RPS6KA2: variants seen among roughly 807,000 people sequenced by gnomAD.
RPS6KA2 encodes ribosomal protein S6 kinase A2.
In RPS6KA2, 42 loss-of-function variants were observed where a neutral mutation model predicts 91.8. The observed-to-expected ratio is 0.46, with a 90% CI of 0.36 to 0.59. The LOEUF is 0.59. Among genes scored for constraint, RPS6KA2 ranks in the 20% least tolerant of loss-of-function variants. The pLI is 0.00. For synonymous variants in RPS6KA2, 414 were observed against 393.6 expected (o/e 1.05, Z -0.61); for missense variants, 798 against 978.5 (o/e 0.82, Z 2.46).
intron 1 of RPS6KA2, among the ~76,000 whole-genome samples, chr6:166,560,145 T>A (rs1389534866): frequency 6.6e-6 from 1 of 152,176 alleles, no homozygotes; most frequent in Non-Finnish European, 1.5e-5. Flanking sequence ...AGACCACACC[T>A]ACTGCTCATA....
chr6:166,440,917 G>A (rs571771736), intron 14 of RPS6KA2, among the ~76,000 whole-genome samples: 15 of 152,362 alleles, frequency 9.8e-5, no homozygotes, highest in Admixed American at 9.8e-4. Context: ...CAGAAAGGCA[G>A]CTTCCCAGTG....
At chr6:166,744,612 G>A (rs971592967) in intron 2 of RPS6KA2, among the ~76,000 whole-genome samples, 2 of 152,198 alleles carry the variant, frequency 1.3e-5, no homozygotes, top group African/African-American at 4.8e-5. Context: ...CCCACCCTGT[G>A]GGCCAGGCCC....
chr6:166,466,214 G>A (rs1780514945), intron 11 of RPS6KA2, among the ~76,000 whole-genome samples: 1 of 152,216 alleles, frequency 6.6e-6, no homozygotes. Context: ...GCCACAGGGA[G>A]ACCAGAGCAC....
chr6:166,531,176 G>T (rs946975757), intron 3 of RPS6KA2, 56 bp downstream of exon 3: 3 of 1,098,354 alleles, frequency 2.7e-6, no homozygotes, highest in African/African-American at 3.1e-5. Flanking sequence ...TCAAATAACG[G>T]AGTAGAAATT....
chr6:166,636,782 A>T (rs1787254471), intron 2 of RPS6KA2, among the ~76,000 whole-genome samples: 1 of 152,180 alleles, frequency 6.6e-6, no homozygotes, highest in African/African-American at 2.4e-5. Context: ...AAGTGGATGA[A>T]CTCCAGGGTT....
chr6:166,435,881 G>A lies in RPS6KA2; in HGVS notation c.1333-3391C>T, dbSNP rs767739493. ...TGCTCCTGGGGAGGCCACGTGCTGC[G>A]TGGTTGGCGGCCCAGCCGCTGAGCC... On this transcript the variant is annotated intron_variant, in intron 14 of 20. Coordinates refer to ENST00000265678, the MANE Select transcript of RPS6KA2 (RefSeq NM_021135.6). This position sits in a 1 kb window ranked among gnomAD's most constrained non-coding sequence, Gnocchi z 4.3. Among the ~76,000 whole-genome samples, 9 of 152,228 alleles carry A rather than the reference G, an allele frequency of 5.9e-5. No individual in the cohort carries two copies. Among genetic ancestry groups the A allele is most frequent in the Admixed American group, 2.0e-4 (3 of 15,284 alleles).
chr6:166,573,434 C>T (rs530971065), intron 1 of RPS6KA2, among the ~76,000 whole-genome samples: 7 of 152,334 alleles, frequency 4.6e-5, no homozygotes, highest in East Asian at 1.9e-4. Flanking sequence ...GAAGACCCAG[C>T]GCACGTGTTC....
chr6:166,596,475 T>C (rs770478063), intron 1 of RPS6KA2, among the ~76,000 whole-genome samples: 2 of 152,118 alleles, frequency 1.3e-5, no homozygotes, highest in Non-Finnish European at 2.9e-5. Context: ...TCTTCTGGTC[T>C]TCATCTTTCT....
chr6:166,671,649 C>T (rs1430085176), intron 2 of RPS6KA2, among the ~76,000 whole-genome samples: 6 of 152,264 alleles, frequency 3.9e-5, no homozygotes, highest in Middle Eastern at 6.8e-3. Context: ...GGTAATTTGT[C>T]AACATCCACT....
At chr6:166,790,759 A>C (rs1160532549) in intron 2 of RPS6KA2, among the ~76,000 whole-genome samples, 2 of 152,224 alleles carry the variant, frequency 1.3e-5, no homozygotes, top group African/African-American at 4.8e-5. Flanking sequence ...TGTCCAGCCA[A>C]ACTAAGCTTC....
intron 2 of RPS6KA2, among the ~76,000 whole-genome samples, chr6:166,738,543 C>T (rs920243765): frequency 6.6e-6 from 1 of 152,184 alleles, no homozygotes; most frequent in African/African-American, 2.4e-5. Flanking sequence ...TTGCACAGTA[C>T]CTTGGAGGCA....
At chr6:166,498,180 A>G (rs1239302209) in intron 8 of RPS6KA2, among the ~76,000 whole-genome samples, 1 of 152,244 alleles carries the variant, frequency 6.6e-6, no homozygotes, top group Non-Finnish European at 1.5e-5. Flanking sequence ...TCTGTGTCTA[A>G]ATAAGAAAAA....
At chr6:166,775,406 G>A (rs896836487) in intron 2 of RPS6KA2, among the ~76,000 whole-genome samples, 1 of 152,110 alleles carries the variant, frequency 6.6e-6, no homozygotes, top group East Asian at 1.9e-4. Flanking sequence ...AGAACACTCC[G>A]AGGCGCGTGC....
At chr6:166,552,025 G>A (rs747217415) in intron 1 of RPS6KA2, among the ~76,000 whole-genome samples, 3 of 152,138 alleles carry the variant, frequency 2.0e-5, no homozygotes, top group East Asian at 1.9e-4. Flanking sequence ...ATTGTCATTC[G>A]CAAGCAGCAC....
At chr6:166,518,553 A>G (rs1782740570) in intron 3 of RPS6KA2, among the ~76,000 whole-genome samples, 1 of 152,210 alleles carries the variant, frequency 6.6e-6, no homozygotes, top group Admixed American at 6.5e-5. Flanking sequence ...ATGACAGTGA[A>G]TGCAACATAT....
chr6:166,443,985 G>A (rs534518987), intron 14 of RPS6KA2, among the ~76,000 whole-genome samples: 16 of 151,922 alleles, frequency 1.1e-4, no homozygotes, highest in African/African-American at 2.7e-4. Context: ...ATTCAACCCC[G>A]TGTTGTTCAA....
At position 166,411,464 on chromosome 6, in the gene RPS6KA2, T is replaced by G. The variant is rs1324508496; in HGVS notation, c.*1298A>C. On this transcript the variant is annotated 3_prime_UTR_variant, in exon 21 of 21. Transcript: ENST00000265678. The surrounding 1 kb of genome is among the most constrained non-coding windows in gnomAD (Gnocchi z 4.5). ...CTTACAGGACAATGAAGGACCCGTGTGTTCCCTCTGCCGGCTGGACTGGGC... is the reference window on the plus strand; with the variant it reads ...CTTACAGGACAATGAAGGACCCGTGGGTTCCCTCTGCCGGCTGGACTGGGC... 2 of 152,254 alleles carry G rather than the reference T, an allele frequency of 1.3e-5. No individual in the cohort carries two copies. Among genetic ancestry groups the G allele is most frequent in the East Asian group, 3.9e-4 (2 of 5,168 alleles). The allele number at this position is 152,254 out of a possible 1,614,324, so 9.4% of individuals were successfully genotyped here.
chr6:166,759,671 C>T (rs1301871545), intron 2 of RPS6KA2, among the ~76,000 whole-genome samples: 1 of 152,212 alleles, frequency 6.6e-6, no homozygotes, highest in East Asian at 1.9e-4. Flanking sequence ...CCACATTTCA[C>T]CTCTTTGAAA....
chr6:166,459,381 C>T lies in RPS6KA2; in HGVS notation c.1075+68G>A, dbSNP rs1483218332. ...TCTGAGGCATGGGAATTTCTTGTTC[C>T]TAGATATCTGTCTCTAAGGGGTCAG... is the stretch of plus-strand genomic sequence containing the variant. On this transcript the variant is annotated intron_variant, in intron 12 of 20. Transcript: ENST00000265678. This position sits in a 1 kb window ranked among gnomAD's most constrained non-coding sequence, Gnocchi z 4.9. The T allele has an allele frequency of 1.1e-6, 1 of 907,050 alleles. No homozygotes were observed. The highest frequency in any genetic ancestry group is 1.7e-5 in the African/African-American group (1 of 60,552). The allele number at this position is 907,050 out of a possible 1,614,324, so 56.2% of individuals were successfully genotyped here.
Sources: allele counts gnomAD v4.1 joint callset (sites outside exome capture counted in the v4.1 genomes callset), GRCh38; gene constraint gnomAD v4.1.1; non-coding constraint Gnocchi (gnomAD v3.1); transcripts MANE v1.5; gene names NCBI Gene and HGNC (gene_info 2026-07-23, HGNC 2026-07-21).